The following AGBL1 variants were observed in gnomAD, a reference collection of about 807,000 sequenced individuals.
The protein encoded by AGBL1 is cytosolic carboxypeptidase 4.
A neutral mutation model predicts 118.9 loss-of-function variants in AGBL1; 130 were observed. The observed-to-expected ratio is 1.09, with a 90% CI of 0.95 to 1.26. The LOEUF (loss-of-function observed/expected upper bound fraction) is 1.26, where lower values mean the gene tolerates loss of function less well. Ranked by LOEUF, AGBL1 falls within the 50% of genes most tolerant of loss-of-function variation. The pLI is 0.00. For missense variants in AGBL1, 1,584 were observed against 1,298.1 expected (o/e 1.22, Z -3.38); for synonymous variants, 555 against 478.9 (o/e 1.16, Z -2.08).
In AGBL1 at chr15:86,907,655, T is replaced by C. The variant is rs746064138; in HGVS notation, c.*361T>C. ...CAAGCTGGAAGTAGAGGAGTTGGGC[T>C]TCTTCTTGGCTTCTCAGCCAGAATT... On this transcript the variant is annotated 3_prime_UTR_variant, in exon 23 of 23. Coordinates refer to ENST00000614907, the MANE Select transcript of AGBL1 (RefSeq NM_001386094.1). 1.3e-5 allele frequency: 2 copies of C among 152,240 alleles called. No individual in the cohort carries two copies. Among genetic ancestry groups the C allele is most frequent in the Non-Finnish European group, 2.9e-5 (2 of 68,060 alleles). 9.4% of individuals were successfully genotyped at this position (152,240 alleles called of 1,614,324 possible).
intron 5 of AGBL1, among the ~76,000 whole-genome samples, chr15:86,173,440 C>T (rs961209024): frequency 2.0e-5 from 3 of 151,748 alleles, no homozygotes; most frequent in African/African-American, 4.8e-5. Context: ...GAAGCTTTTT[C>T]GTTTAATGTA....
chr15:86,283,687 A>G (rs2141731247), intron 16 of AGBL1, among the ~76,000 whole-genome samples: 1 of 152,310 alleles, frequency 6.6e-6, no homozygotes, highest in East Asian at 1.9e-4. Flanking sequence ...AGCACTGTCA[A>G]GTAATCAGTA....
At chr15:86,172,618 G>A (rs117615488) in intron 5 of AGBL1, among the ~76,000 whole-genome samples, 1,959 of 152,242 alleles carry the variant, frequency 0.013, 27 homozygotes, top group East Asian at 0.071. Flanking sequence ...TCTGTGTCTC[G>A]CTTATTTCAC....
intron 24 of AGBL1, among the ~76,000 whole-genome samples, chr15:87,019,335 C>T (rs1320238263): frequency 1.3e-5 from 2 of 152,038 alleles, no homozygotes; most frequent in Non-Finnish European, 2.9e-5. Flanking sequence ...CATCACTACA[C>T]AGCACTTCCT....
chr15:86,458,070 T>C (rs1742277634), intron 18 of AGBL1, among the ~76,000 whole-genome samples: 1 of 151,942 alleles, frequency 6.6e-6, no homozygotes, highest in Non-Finnish European at 1.5e-5. Flanking sequence ...TGTCCCCGTA[T>C]ATTGCCACTT....
intron 21 of AGBL1, among the ~76,000 whole-genome samples, chr15:86,558,056 G>C (rs2083759927): frequency 6.6e-6 from 1 of 152,096 alleles, no homozygotes; most frequent in Admixed American, 6.5e-5. Context: ...GATATGGTTT[G>C]AGAGACAATA....
intron 21 of AGBL1, among the ~76,000 whole-genome samples, chr15:86,667,527 A>C (rs921509707): frequency 1.2e-4 from 19 of 152,298 alleles, no homozygotes; most frequent in Admixed American, 3.9e-4. Flanking sequence ...TAGTAGTATG[A>C]ATAAATATTA....
At chr15:86,601,663 G>C (rs1176753068) in intron 21 of AGBL1, among the ~76,000 whole-genome samples, 1 of 152,188 alleles carries the variant, frequency 6.6e-6, no homozygotes. Flanking sequence ...GTGAGCTATG[G>C]AGGACAAAGG....
intron 21 of AGBL1, among the ~76,000 whole-genome samples, chr15:86,580,082 G>T (rs2084152839): frequency 6.6e-6 from 1 of 152,180 alleles, no homozygotes; most frequent in South Asian, 2.1e-4. Flanking sequence ...AATTTCTTCT[G>T]TGAAATTCTT....
chr15:86,721,020 C>A (rs1474874135), intron 22 of AGBL1, among the ~76,000 whole-genome samples: 6 of 151,950 alleles, frequency 3.9e-5, no homozygotes, highest in African/African-American at 1.5e-4. Flanking sequence ...GCTTACCAAT[C>A]AAAAAAAGTC....
At chr15:86,332,265 A>G (rs2080282561) in intron 17 of AGBL1, among the ~76,000 whole-genome samples, 1 of 152,206 alleles carries the variant, frequency 6.6e-6, no homozygotes, top group Admixed American at 6.5e-5. Flanking sequence ...GTACTTCTGA[A>G]CCTATGAAAA....
chr15:86,986,794 T>C (rs2081288242), intron 23 of AGBL1, among the ~76,000 whole-genome samples: 1 of 152,226 alleles, frequency 6.6e-6, no homozygotes, highest in African/African-American at 2.4e-5. Context: ...GTTTTCTGTT[T>C]CATTGATTTC....
At chr15:86,150,967 T>G (rs937825605) in intron 3 of AGBL1, among the ~76,000 whole-genome samples, 1 of 152,152 alleles carries the variant, frequency 6.6e-6, no homozygotes, top group Non-Finnish European at 1.5e-5. Flanking sequence ...TGGAATACTA[T>G]GCAGCCATAA....
At chr15:86,172,081 G>T (rs1209357363) in intron 5 of AGBL1, among the ~76,000 whole-genome samples, 2 of 152,046 alleles carry the variant, frequency 1.3e-5, no homozygotes, top group African/African-American at 4.8e-5. Flanking sequence ...CTACGCATTG[G>T]GTACAGTGTG....
At chr15:86,620,230 G>A (rs888821262) in intron 21 of AGBL1, among the ~76,000 whole-genome samples, 1 of 152,158 alleles carries the variant, frequency 6.6e-6, no homozygotes, top group East Asian at 1.9e-4. Context: ...AGGGCAGGAG[G>A]ATTCCGGGAT....
intron 6 of AGBL1, among the ~76,000 whole-genome samples, chr15:86,235,889 C>T (rs2078533115): frequency 6.6e-6 from 1 of 152,166 alleles, no homozygotes; most frequent in Admixed American, 6.5e-5. Flanking sequence ...GAACATCCTA[C>T]AAATGCACAG....
intron 1 of AGBL1, among the ~76,000 whole-genome samples, chr15:86,137,207 C>T (rs367932249): frequency 6.6e-6 from 1 of 152,190 alleles, no homozygotes; most frequent in African/African-American, 2.4e-5. Context: ...ACCATTTGTG[C>T]TGCTCCATTC....
downstream of AGBL1, among the ~76,000 whole-genome samples, chr15:86,918,982 G>A (rs2080457520): frequency 6.6e-6 from 1 of 152,184 alleles, no homozygotes; most frequent in East Asian, 1.9e-4. Context: ...AATATCATGT[G>A]TTCCCCTGGT....
At chr15:86,856,431 C>G (rs2079481229) in intron 22 of AGBL1, among the ~76,000 whole-genome samples, 1 of 152,218 alleles carries the variant, frequency 6.6e-6, no homozygotes, top group African/African-American at 2.4e-5. Flanking sequence ...AAGTGGAGGT[C>G]TAGATCTAAG....
Sources: allele counts gnomAD v4.1 joint callset (sites outside exome capture counted in the v4.1 genomes callset), GRCh38; gene constraint gnomAD v4.1.1; transcripts MANE v1.5; gene names NCBI Gene and HGNC (gene_info 2026-07-23, HGNC 2026-07-21).